ZPBP: variants seen among roughly 807,000 people sequenced by gnomAD.
ZPBP encodes the protein zona pellucida binding protein, also known as zona pellucida-binding protein 1.
In ZPBP, 26 loss-of-function variants were observed where a neutral mutation model predicts 44.8. That is an observed-to-expected ratio of 0.58 (90% CI 0.43 to 0.81). The LOEUF is 0.81. ZPBP is among the 30% of genes least tolerant of loss of function. The pLI is 0.00. For synonymous variants in ZPBP, 174 were observed against 153.2 expected (o/e 1.14, Z -1.00); for missense variants, 409 against 434.0 (o/e 0.94, Z 0.51).
At chr7:49,954,165 A>G (rs1270919157) in intron 7 of ZPBP, among the ~76,000 whole-genome samples, 1 of 152,174 alleles carries the variant, frequency 6.6e-6, no homozygotes, top group Non-Finnish European at 1.5e-5. Context: ...CTCATTATTT[A>G]TAAGGGTGCC....
intron 2 of ZPBP, among the ~76,000 whole-genome samples, chr7:49,863,497 T>A (rs117673528): frequency 6.6e-5 from 10 of 152,264 alleles, no homozygotes; most frequent in Non-Finnish European, 1.2e-4. Flanking sequence ...CATGGCATGA[T>A]CTCAGCTCAC....
chr7:49,951,919 A>C (rs1163241504), intron 7 of ZPBP, among the ~76,000 whole-genome samples: 1 of 151,880 alleles, frequency 6.6e-6, no homozygotes, highest in Non-Finnish European at 1.5e-5. Context: ...TACATGCTAC[A>C]TCATAGATGA....
chr7:50,045,411 AG>A (rs1185941134), intron 4 of ZPBP, among the ~76,000 whole-genome samples: 6 of 152,212 alleles, frequency 3.9e-5, no homozygotes, highest in Non-Finnish European at 7.3e-5. Flanking sequence ...CCATCATCTC[AG>A]ACCCAAATCT....
intron 2 of ZPBP, among the ~76,000 whole-genome samples, chr7:49,898,771 T>C (rs769381382): frequency 3.0e-4 from 45 of 152,154 alleles, no homozygotes; most frequent in Admixed American, 5.9e-4. Context: ...GGTTTAGTGT[T>C]ATTTGAAAGC....
At chr7:49,963,113 A>G (rs561230419) in intron 7 of ZPBP, among the ~76,000 whole-genome samples, 32 of 151,818 alleles carry the variant, frequency 2.1e-4, no homozygotes, top group Middle Eastern at 3.4e-3. Flanking sequence ...ATGAAAAGAT[A>G]TATCATTAGT....
intron 7 of ZPBP, chr7:49,942,574 T>C (rs1794934437): frequency 6.6e-6 from 1 of 152,552 alleles, no homozygotes; most frequent in Non-Finnish European, 1.5e-5. Flanking sequence ...TTCTGACTCC[T>C]GAAAACTTTT....
Position 50,033,804 on chromosome 7 carries a change from C to T in ZPBP, c.488-2494G>A, listed in dbSNP as rs527570218. Reference sequence around the variant, plus strand: ...GCCTCCCAAGTTCAAGTGATTCTCCCGCCTCAGCCTCCCAAGTAGCTGGGA... The same window carrying T: ...GCCTCCCAAGTTCAAGTGATTCTCCTGCCTCAGCCTCCCAAGTAGCTGGGA... On this transcript the variant is annotated intron_variant, in intron 4 of 7. Coordinates refer to ENST00000046087, the MANE Select transcript of ZPBP (RefSeq NM_007009.3). Among the ~76,000 whole-genome samples, 7 of 151,916 alleles carry T rather than the reference C, an allele frequency of 4.6e-5. No homozygotes were observed. In the South Asian group the frequency reaches 6.2e-4, roughly 13 times the overall value.
intron 7 of ZPBP, among the ~76,000 whole-genome samples, chr7:49,965,086 T>C (rs996395925): frequency 6.6e-6 from 1 of 152,044 alleles, no homozygotes; most frequent in Non-Finnish European, 1.5e-5. Context: ...ATAATTAATG[T>C]AAACAGATCA....
chr7:49,883,919 T>C (rs1300963589), intron 2 of ZPBP, among the ~76,000 whole-genome samples: 3 of 152,240 alleles, frequency 2.0e-5, no homozygotes, highest in Non-Finnish European at 4.4e-5. Flanking sequence ...GATTGTCTTC[T>C]GCTAAGAACA....
At chr7:49,898,268 T>G (rs1792498581) in intron 2 of ZPBP, among the ~76,000 whole-genome samples, 1 of 152,078 alleles carries the variant, frequency 6.6e-6, no homozygotes, top group Non-Finnish European at 1.5e-5. Flanking sequence ...TTGTTGCTGT[T>G]ATTATGAACT....
intron 2 of ZPBP, among the ~76,000 whole-genome samples, chr7:49,883,036 C>T (rs532836410): frequency 6.6e-6 from 1 of 152,174 alleles, no homozygotes; most frequent in South Asian, 2.1e-4. Context: ...ATTCCCTCTT[C>T]CTCCCTGAGC....
At chr7:49,848,243 T>A (rs1020223885), downstream of ZPBP, among the ~76,000 whole-genome samples, 3 of 152,182 alleles carry the variant, frequency 2.0e-5, no homozygotes, top group African/African-American at 7.2e-5. Flanking sequence ...CAGTCTGTGG[T>A]GCAGCACTAG....
rs1308768802 is a variant in ZPBP, at chr7:49,969,678, A to C, written c.961+13664T>G. 3.3e-5 allele frequency among the ~76,000 whole-genome samples: 5 copies of C among 152,108 alleles called. No homozygotes were observed. The South Asian group carries it at 1.0e-3, about 32-fold the overall frequency. On this transcript the variant is annotated intron_variant, in intron 7 of 7. Coordinates refer to ENST00000046087, the MANE Select transcript of ZPBP (RefSeq NM_007009.3). ...AGCCAATCTCTCATAAACACAGAAA[A>C]AGGACTTTCTACAAAAATGTTAGCA...
At chr7:49,987,959 T>A (rs1797389631) in intron 6 of ZPBP, among the ~76,000 whole-genome samples, 1 of 152,134 alleles carries the variant, frequency 6.6e-6, no homozygotes, top group African/African-American at 2.4e-5. Context: ...AATTTTTACC[T>A]AGGGTTAAAG....
intron 6 of ZPBP, among the ~76,000 whole-genome samples, chr7:50,008,735 T>C (rs1798428368): frequency 6.6e-6 from 1 of 152,012 alleles, no homozygotes; most frequent in South Asian, 2.1e-4. Flanking sequence ...TCAAAATGAT[T>C]TCTAAAAAGC....
At chr7:49,940,670 G>T in intron 7 of ZPBP, 4 of 698,200 alleles carry the variant, frequency 5.7e-6, no homozygotes, top group Non-Finnish European at 7.0e-6. Flanking sequence ...AAAAAAAGCT[G>T]TGTTTGAAAT....
chr7:49,884,767 G>A (rs748290988), intron 2 of ZPBP, among the ~76,000 whole-genome samples: 1 of 151,444 alleles, frequency 6.6e-6, no homozygotes, highest in Non-Finnish European at 1.5e-5. Flanking sequence ...ACTCATAAAC[G>A]GGGAAAAAAA....
rs1029432032 is a variant in ZPBP, at chr7:50,066,137, T to G, written c.335-7996A>C. ...TTAAGCCTCTCTTGTGTTAAACCATTGCAGACTGCTTCTGATTGTTTTAGG... is the reference window on the plus strand; with the variant it reads ...TTAAGCCTCTCTTGTGTTAAACCATGGCAGACTGCTTCTGATTGTTTTAGG... On this transcript the variant is annotated intron_variant, in intron 3 of 7. Transcript: ENST00000046087. Among the ~76,000 whole-genome samples, 4 of 150,996 alleles carry G rather than the reference T, an allele frequency of 2.6e-5. 1 individual carries two copies. The highest frequency in any genetic ancestry group is 4.1e-4 in the South Asian group (2 of 4,822).
At chr7:50,091,954 T>A (rs1034343337) in intron 1 of ZPBP, among the ~76,000 whole-genome samples, 2 of 152,210 alleles carry the variant, frequency 1.3e-5, no homozygotes, top group Non-Finnish European at 2.9e-5. Flanking sequence ...GAGCTTCAGT[T>A]TTCTTATATG....
Sources: allele counts gnomAD v4.1 joint callset (sites outside exome capture counted in the v4.1 genomes callset), GRCh38; gene constraint gnomAD v4.1.1; transcripts MANE v1.5; gene names NCBI Gene and HGNC (gene_info 2026-07-23, HGNC 2026-07-21).